The following EFHC2 variants were observed in gnomAD, a reference collection of about 807,000 sequenced individuals.
EFHC2 encodes the protein EF-hand domain-containing family member C2.
In EFHC2, 18 loss-of-function variants were observed where a neutral mutation model predicts 52.7. That is an observed-to-expected ratio of 0.34 (90% CI 0.24 to 0.51). The LOEUF is 0.51. Ranked by LOEUF, EFHC2 falls within the 20% of genes least tolerant of loss-of-function variation. The probability of loss-of-function intolerance (pLI) is 0.97; values close to 1 mark genes in which losing one functional copy is unlikely to be tolerated. For missense variants in EFHC2, 513 were observed against 562.5 expected (o/e 0.91, Z 0.89); for synonymous variants, 203 against 204.1 (o/e 0.99, Z 0.04).
At chrX:44,290,747 A>G (rs961818702) in intron 2 of EFHC2, among the ~76,000 whole-genome samples, 2 of 112,070 alleles carry the variant, frequency 1.8e-5, no homozygotes, top group African/African-American at 6.5e-5. Flanking sequence ...TAAACATTTT[A>G]TGAGTTGACC....
In EFHC2 at chrX:44,310,035, C is replaced by T. The variant is rs1194091528; in HGVS notation, c.231+2533G>A. On this transcript the variant is annotated intron_variant, in intron 2 of 14. Coordinates refer to ENST00000420999, the MANE Select transcript of EFHC2 (RefSeq NM_025184.4). ...TGTAATCTGAACTATTTGGCTAAAT[C>T]GCTCCACCAAATTTTCATTTATTAT... 7.7e-6 allele frequency: 7 copies of T among 910,403 alleles called. No individual in the cohort carries two copies. In the African/African-American group the frequency reaches 7.7e-5, roughly 10 times the overall value. 75.0% of individuals were successfully genotyped at this position (910,403 alleles called of 1,213,427 possible). A position where few individuals can be genotyped will look rare whatever the true frequency, so the allele number is the denominator to read the frequency against.
At chrX:44,238,755 G>C (rs2037338622) in intron 8 of EFHC2, among the ~76,000 whole-genome samples, 1 of 111,985 alleles carries the variant, frequency 8.9e-6, no homozygotes, top group Admixed American at 9.5e-5. Context: ...AACCAGGAAT[G>C]TTCCTCAGCC....
At chrX:44,177,409 C>G (rs771524485) in intron 12 of EFHC2, among the ~76,000 whole-genome samples, 1 of 112,187 alleles carries the variant, frequency 8.9e-6, no homozygotes, top group African/African-American at 3.2e-5. Flanking sequence ...GGGGATAAGG[C>G]AAGAAGTCAC....
chrX:44,267,274 C>T (rs929799432), intron 3 of EFHC2, among the ~76,000 whole-genome samples: 1 of 112,090 alleles, frequency 8.9e-6, no homozygotes, highest in Non-Finnish European at 1.9e-5. Context: ...AAAAGCAACA[C>T]GTTCTGTAAA....
chrX:44,288,053 T>G (rs2037765714), intron 2 of EFHC2, among the ~76,000 whole-genome samples: 1 of 111,881 alleles, frequency 8.9e-6, no homozygotes. Flanking sequence ...ACGTGATTTT[T>G]TAAAAACCCA....
At chrX:44,195,802 TGTGA>T (rs1420802888) in intron 11 of EFHC2, among the ~76,000 whole-genome samples, 4 of 110,424 alleles carry the variant, frequency 3.6e-5, no homozygotes, top group African/African-American at 1.3e-4. Context: ...GAGTCCTTTC[TGTGA>T]GTGGCCAGTG....
intron 1 of EFHC2, among the ~76,000 whole-genome samples, chrX:44,334,086 A>G (rs2038103536): frequency 8.9e-6 from 1 of 112,221 alleles, no homozygotes; most frequent in African/African-American, 3.2e-5. Context: ...TGAGAAAATT[A>G]ATTTGGCTTA....
chrX:44,241,521 C>G (rs1290346950), intron 8 of EFHC2, among the ~76,000 whole-genome samples: 1 of 112,135 alleles, frequency 8.9e-6, no homozygotes. Context: ...GTCAGTGAGC[C>G]AAATCTACCA....
intron 11 of EFHC2, chrX:44,225,733 AAT>A (rs1389891508): frequency 1.8e-5 from 2 of 112,144 alleles, no homozygotes; most frequent in East Asian, 5.6e-4. Flanking sequence ...CTCAGAGACC[AAT>A]ATATGAACAA....
In EFHC2 at chrX:44,191,389, C is replaced by G. The variant is rs781507236; in HGVS notation, c.1752-12825G>C. On this transcript the variant is annotated intron_variant, in intron 11 of 14. Coordinates refer to ENST00000420999, the MANE Select transcript of EFHC2 (RefSeq NM_025184.4). ...TAGCTGGAATTACAGGCGCCCGCCACCACACCCAGCTAATTTTTTGTATTT... is the reference window on the plus strand; with the variant it reads ...TAGCTGGAATTACAGGCGCCCGCCAGCACACCCAGCTAATTTTTTGTATTT... 2.3e-4 allele frequency among the ~76,000 whole-genome samples: 26 copies of G among 110,966 alleles called. 1 individual carries two copies. In the South Asian group the frequency reaches 0.01, roughly 43 times the overall value.
chrX:44,325,093 C>A (rs767357840), intron 1 of EFHC2, among the ~76,000 whole-genome samples: 1 of 111,465 alleles, frequency 9.0e-6, no homozygotes, highest in Admixed American at 9.6e-5. Flanking sequence ...TCCATTTTTG[C>A]ACTATTAGAG....
At chrX:44,286,767 A>G (rs2037751807) in intron 2 of EFHC2, among the ~76,000 whole-genome samples, 1 of 110,340 alleles carries the variant, frequency 9.1e-6, no homozygotes, top group African/African-American at 3.3e-5. Context: ...TCATTCCAGC[A>G]CTTTGGGAGG....
chrX:44,149,082 C>T (rs780826437), intron 14 of EFHC2, among the ~76,000 whole-genome samples, 186 bp from the exon 15 acceptor site: 1 of 112,082 alleles, frequency 8.9e-6, no homozygotes, highest in Admixed American at 9.4e-5. Context: ...ATTATGTGCC[C>T]ACACTCTTTG....
chrX:44,327,136 T>C (rs752032545), intron 1 of EFHC2, among the ~76,000 whole-genome samples: 3 of 111,848 alleles, frequency 2.7e-5, no homozygotes, highest in Admixed American at 9.5e-5. Flanking sequence ...CCTTAAGCAA[T>C]GGGCCTCATA....
chrX:44,279,268 C>A (rs2037683845), intron 2 of EFHC2, among the ~76,000 whole-genome samples: 1 of 112,123 alleles, frequency 8.9e-6, no homozygotes. Context: ...TGCTTGAACA[C>A]AGGAGGCAGA....
intron 13 of EFHC2, among the ~76,000 whole-genome samples, chrX:44,164,777 C>T (rs1194260566): frequency 9.0e-6 from 1 of 111,699 alleles, no homozygotes; most frequent in Admixed American, 9.5e-5. Context: ...AGTTTATAAT[C>T]AGAAAAACTT....
intron 11 of EFHC2, among the ~76,000 whole-genome samples, chrX:44,208,890 A>G (rs1242934391): frequency 9.0e-6 from 1 of 111,599 alleles, no homozygotes; most frequent in East Asian, 2.8e-4. Context: ...ACAAGCAAAC[A>G]AACTTAATAA....
At chrX:44,150,431 CAA>C (rs2036561366) in intron 14 of EFHC2, among the ~76,000 whole-genome samples, 2 of 111,328 alleles carry the variant, frequency 1.8e-5, no homozygotes, top group Admixed American at 1.9e-4. Context: ...TGCAAAGTGG[CAA>C]GAGAGATGGT....
chrX:44,192,466 C>A (rs555588781), intron 11 of EFHC2, among the ~76,000 whole-genome samples: 2 of 111,557 alleles, frequency 1.8e-5, no homozygotes, highest in Non-Finnish European at 3.8e-5. Context: ...TTCTATGTGA[C>A]CTTTCACATT....
Sources: allele counts gnomAD v4.1 joint callset (sites outside exome capture counted in the v4.1 genomes callset), GRCh38; gene constraint gnomAD v4.1.1; transcripts MANE v1.5; gene names NCBI Gene and HGNC (gene_info 2026-07-23, HGNC 2026-07-21).